The following TMEM132C variants were observed in gnomAD, a reference collection of about 807,000 sequenced individuals.
TMEM132C encodes the protein transmembrane protein 132C.
In TMEM132C, 29 loss-of-function variants were observed where a neutral mutation model predicts 61.4. The ratio of observed to expected loss-of-function variants is 0.47; its 90% CI spans 0.35 to 0.64. TMEM132C has a LOEUF of 0.64. Ranked by LOEUF, TMEM132C falls within the 30% of genes least tolerant of loss-of-function variation. The pLI is 0.00. For synonymous variants in TMEM132C, 656 were observed against 633.1 expected, an observed-to-expected ratio of 1.04 and a Z score of -0.54; for missense variants, 1,408 against 1,476.9, an observed-to-expected ratio of 0.95 and a Z score of 0.76.
intron 1 of TMEM132C, among the ~76,000 whole-genome samples, chr12:128,361,481 A>C (rs1473623324): frequency 6.6e-6 from 1 of 152,046 alleles, no homozygotes; most frequent in African/African-American, 2.4e-5. Context: ...GCAAGAACAG[A>C]CCTTTTGAAG....
intron 4 of TMEM132C, among the ~76,000 whole-genome samples, chr12:128,626,808 A>C (rs1397905298): frequency 1.3e-5 from 2 of 152,132 alleles, no homozygotes; most frequent in East Asian, 3.9e-4. Flanking sequence ...GCATGCCTTT[A>C]AAAACTTTAT....
At chr12:128,297,843 C>A (rs879105065) in intron 1 of TMEM132C, among the ~76,000 whole-genome samples, 2 of 152,256 alleles carry the variant, frequency 1.3e-5, no homozygotes, top group Admixed American at 1.3e-4. Context: ...AATTATGGGG[C>A]CCTGCTCAAC....
At chr12:128,347,827 G>A (rs1873220806) in intron 1 of TMEM132C, among the ~76,000 whole-genome samples, 1 of 152,176 alleles carries the variant, frequency 6.6e-6, no homozygotes, top group African/African-American at 2.4e-5. Flanking sequence ...GGTTCTTTAA[G>A]GAATCCTCAT....
At chr12:128,663,254 A>G (rs569063413) in intron 4 of TMEM132C, among the ~76,000 whole-genome samples, 1 of 152,202 alleles carries the variant, frequency 6.6e-6, no homozygotes, top group South Asian at 2.1e-4. Context: ...TCCCTTCCCC[A>G]TCCCTGCAGC....
rs1405355819 is a variant in TMEM132C at position 128,344,925 on chromosome 12, CT to C, written c.86-69790del. ...TTTCCTTCCTAAAAAAGATGAGTTT[CT>C]TTTTTTTTTTTTTTTTAAATTTCCA... On this transcript the variant is annotated intron_variant, in intron 1 of 8. Transcript: ENST00000435159. Among the ~76,000 whole-genome samples the C allele has an allele frequency of 1.8e-3, 247 of 135,068 alleles. 1 individual carries two copies. The highest frequency in any genetic ancestry group is 6.3e-3 in the African/African-American group (232 of 36,650). 88.6% of individuals were successfully genotyped at this position (135,068 alleles called of 152,430 possible).
chr12:128,484,045 A>AG (rs1316961369), intron 2 of TMEM132C, among the ~76,000 whole-genome samples: 1 of 152,206 alleles, frequency 6.6e-6, no homozygotes, highest in East Asian at 1.9e-4. Flanking sequence ...ATCCCCCTGC[A>AG]GTAGCTTAGA....
intron 2 of TMEM132C, among the ~76,000 whole-genome samples, chr12:128,533,005 G>T (rs750877673): frequency 7.2e-5 from 11 of 152,040 alleles, no homozygotes; most frequent in Non-Finnish European, 1.5e-4. Context: ...TTGTAGGGCT[G>T]CTGTCAGGTC....
Position 128,705,194 on chromosome 12 carries a change from G to A in TMEM132C, c.2226G>A (p.Glu742=), listed in dbSNP as rs1365364655. 1.3e-6 allele frequency: 2 copies of A among 1,551,614 alleles called. No individual in the cohort carries two copies. Among genetic ancestry groups the A allele is most frequent in the East Asian group, 2.4e-5 (1 of 40,924 alleles). ...CCCTGGCAGCCACCTCCCAGGACGA[G>A]GCTGTCGTGTCAGTCCCCCAGCCCC... ...DFSLAATSQD[E]AVVSVPQPRS... The change falls in exon 9 of 9, where the codon GAG becomes GAA. Residue 742 remains glutamate, a synonymous_variant. Coordinates refer to ENST00000435159, the MANE Select transcript of TMEM132C (RefSeq NM_001136103.3).
At chr12:128,529,832 A>G (rs1020441791) in intron 2 of TMEM132C, among the ~76,000 whole-genome samples, 1 of 152,190 alleles carries the variant, frequency 6.6e-6, no homozygotes, top group Admixed American at 6.6e-5. Flanking sequence ...ACCAAATGCT[A>G]TATGTGAACC....
chr12:128,700,836 C>G (rs1954798599), intron 8 of TMEM132C, among the ~76,000 whole-genome samples: 1 of 152,204 alleles, frequency 6.6e-6, no homozygotes, highest in Non-Finnish European at 1.5e-5. Flanking sequence ...CGAGGGTGAG[C>G]ACCAACATCG....
intron 7 of TMEM132C, among the ~76,000 whole-genome samples, 181 bp downstream of exon 7, chr12:128,696,284 G>A (rs1954763299): frequency 6.6e-6 from 1 of 152,086 alleles, no homozygotes; most frequent in African/African-American, 2.4e-5. Flanking sequence ...TGGAGAAGGT[G>A]GCAGCTGCAC....
At chr12:128,348,872 A>T (rs1873252478) in intron 1 of TMEM132C, among the ~76,000 whole-genome samples, 1 of 152,226 alleles carries the variant, frequency 6.6e-6, no homozygotes, top group Non-Finnish European at 1.5e-5. Flanking sequence ...TAGAGATCTG[A>T]AGAGGATGTG....
intron 1 of TMEM132C, among the ~76,000 whole-genome samples, chr12:128,301,298 C>T (rs1173560066): frequency 3.3e-5 from 5 of 152,188 alleles, no homozygotes; most frequent in Non-Finnish European, 7.3e-5. Flanking sequence ...CCAGTTAGCT[C>T]TCCAGACCTC....
Position 128,543,993 on chromosome 12 carries a change from T to G in TMEM132C, c.1011T>G (p.Ala337=), listed in dbSNP as rs1873853893. ...KVKKGVNILS[A]QTREPRQWGV... ...AGAAGGGGGTGAACATCCTGAGTGC[T>G]CAGACCCGTGAGCCCCGGCAGTGGG... Residue 337 remains alanine (A), a synonymous_variant, in exon 3 of 9, where the codon GCT becomes GCG. Transcript: ENST00000435159. 6.5e-7 allele frequency: 1 copy of G among 1,548,820 alleles called. No individual in the cohort carries two copies. Among genetic ancestry groups the G allele is most frequent in the South Asian group, 1.2e-5 (1 of 83,380 alleles).
At chr12:128,367,915 CTTGCA>C (rs1380393037) in intron 1 of TMEM132C, among the ~76,000 whole-genome samples, 10 of 152,176 alleles carry the variant, frequency 6.6e-5, no homozygotes, top group Non-Finnish European at 1.5e-5. Flanking sequence ...ATATTTGAGG[CTTGCA>C]TTCTATTTCT....
chr12:128,668,484 A>G (rs1954500127), intron 4 of TMEM132C, among the ~76,000 whole-genome samples: 1 of 152,176 alleles, frequency 6.6e-6, no homozygotes, highest in South Asian at 2.1e-4. Flanking sequence ...TATTTGGGAG[A>G]CACAGCCCAT....
intron 2 of TMEM132C, among the ~76,000 whole-genome samples, chr12:128,498,665 C>T (rs1872053585): frequency 6.6e-6 from 1 of 151,564 alleles, no homozygotes; most frequent in African/African-American, 2.4e-5. Context: ...ACAGAGACTC[C>T]ATCTCAAAAA....
chr12:128,679,259 CTTTA>C (rs1336277049), intron 5 of TMEM132C, among the ~76,000 whole-genome samples: 2 of 152,208 alleles, frequency 1.3e-5, no homozygotes, highest in Admixed American at 6.5e-5. Flanking sequence ...GGACTTGGGT[CTTTA>C]TTTAATCACT....
At chr12:128,465,416 G>C (rs1301287809) in intron 2 of TMEM132C, among the ~76,000 whole-genome samples, 2 of 152,050 alleles carry the variant, frequency 1.3e-5, no homozygotes, top group East Asian at 3.9e-4. Context: ...GGCCAGGTTG[G>C]TTTCAAACTC....
Sources: allele counts gnomAD v4.1 joint callset (sites outside exome capture counted in the v4.1 genomes callset), GRCh38; gene constraint gnomAD v4.1.1; transcripts MANE v1.5; gene names NCBI Gene and HGNC (gene_info 2026-07-23, HGNC 2026-07-21).